Variants in PRUNE2 observed in about 807,000 individuals in gnomAD.
The protein encoded by PRUNE2 is protein prune homolog 2.
In PRUNE2, 164 loss-of-function variants were observed where a neutral mutation model predicts 252.0. The observed-to-expected ratio is 0.65, with a 90% CI of 0.57 to 0.74. PRUNE2 has a LOEUF of 0.74. Ranked by LOEUF, PRUNE2 falls within the 30% of genes least tolerant of loss-of-function variation. The probability of loss-of-function intolerance (pLI) is 0.00; values close to 1 mark genes in which losing one functional copy is unlikely to be tolerated. For missense variants in PRUNE2, 3,495 were observed against 3,711.0 expected (o/e 0.94, Z 1.51); for synonymous variants, 1,292 against 1,350.2 (o/e 0.96, Z 0.94).
At chr9:76,824,219 G>GC (rs1336585503) in intron 5 of PRUNE2, among the ~76,000 whole-genome samples, 3 of 151,978 alleles carry the variant, frequency 2.0e-5, no homozygotes, top group African/African-American at 7.3e-5. Context: ...TGTTGTGGGA[G>GC]CCCATAAGAT....
chr9:76,790,876 A>G (rs549537669), intron 6 of PRUNE2, among the ~76,000 whole-genome samples: 3 of 152,358 alleles, frequency 2.0e-5, no homozygotes, highest in South Asian at 2.1e-4. Context: ...TGGAAATCCA[A>G]TGAGGCTTCC....
rs759853827 is a variant in PRUNE2, at chr9:76,709,574, C to G, written c.2700G>C (p.Gln900His). Residue 900 changes from glutamine (Q) to histidine (H), a missense_variant, in exon 8 of 19, where the codon CAG becomes CAC. By Grantham distance (24) the Gln-to-His change is conservative. Transcript: ENST00000376718. ...WTNSKPPKED[Q>H]NGLVDPKTRG... ...TAGTTTTAGGATCCACTAAACCATT[C>G]TGATCTTCTTTTGGTGGCTTAGAAT... is the stretch of plus-strand genomic sequence containing the variant. 2 of 1,614,014 alleles carry G rather than the reference C, an allele frequency of 1.2e-6. No individual in the cohort carries two copies. The highest frequency in any genetic ancestry group is 1.7e-5 in the Admixed American group (1 of 60,024).
intron 1 of PRUNE2, among the ~76,000 whole-genome samples, chr9:76,868,268 T>C (rs945924387): frequency 5.3e-5 from 8 of 151,970 alleles, no homozygotes; most frequent in African/African-American, 1.5e-4. Flanking sequence ...AACAAAGCTA[T>C]GATACCATTC....
chr9:76,714,124 T>C (rs1050604244), intron 6 of PRUNE2, among the ~76,000 whole-genome samples: 1 of 152,214 alleles, frequency 6.6e-6, no homozygotes, highest in Non-Finnish European at 1.5e-5. Flanking sequence ...TATTTCTTCC[T>C]GTATTTTTTT....
chr9:76,893,548 G>C (rs1396355229), intron 1 of PRUNE2, among the ~76,000 whole-genome samples: 1 of 152,196 alleles, frequency 6.6e-6, no homozygotes, highest in African/African-American at 2.4e-5. Context: ...AACAAGTGTG[G>C]CTCAGTGTTT....
chr9:76,705,884 T>C lies in PRUNE2; in HGVS notation c.6390A>G (p.Glu2130=). Reference sequence around the variant, plus strand: ...GCTCAGTGAGACAAAGCTCACTGGATTCCACTTCAGGTCCCATGCAAGCAC... The same window carrying C: ...GCTCAGTGAGACAAAGCTCACTGGACTCCACTTCAGGTCCCATGCAAGCAC... ...HLSACMGPEV[E]SSELCLTEPE... Residue 2130 remains glutamate (E), a synonymous_variant, in exon 8 of 19, where the codon GAA becomes GAG. Coordinates refer to ENST00000376718, the MANE Select transcript of PRUNE2 (RefSeq NM_015225.3). 2.5e-6 allele frequency: 4 copies of C among 1,613,858 alleles called. No individual in the cohort carries two copies. Among genetic ancestry groups the C allele is most frequent in the Non-Finnish European group, 3.4e-6 (4 of 1,179,882 alleles).
At chr9:76,741,978 G>A (rs1394620858) in intron 6 of PRUNE2, among the ~76,000 whole-genome samples, 1 of 152,056 alleles carries the variant, frequency 6.6e-6, no homozygotes, top group African/African-American at 2.4e-5. Context: ...CTAATAAAAT[G>A]TTAACAACAT....
At chr9:76,735,731 C>T (rs1425844814) in intron 6 of PRUNE2, among the ~76,000 whole-genome samples, 1 of 152,126 alleles carries the variant, frequency 6.6e-6, no homozygotes, top group Non-Finnish European at 1.5e-5. Context: ...ACAATATTGG[C>T]TTTTCTACAT....
At chr9:76,875,352 C>T (rs866041503) in intron 1 of PRUNE2, among the ~76,000 whole-genome samples, 4 of 151,578 alleles carry the variant, frequency 2.6e-5, no homozygotes, top group African/African-American at 7.3e-5. Context: ...AGGGCTAGCT[C>T]TGTGTTTTTT....
Position 76,888,593 on chromosome 9 carries a change from A to ATAG in PRUNE2, c.36+17334_36+17335insCTA, listed in dbSNP as rs2062253686. On this transcript the variant is annotated intron_variant, in intron 1 of 18. Transcript: ENST00000376718. ...CTCCATCTCAATAATAATAATAATA[A>ATAG]CTATTATTATTATTATTATTTAGAT... 7.1e-5 allele frequency among the ~76,000 whole-genome samples: 9 copies of ATAG among 126,460 alleles called. 1 individual carries two copies. Among genetic ancestry groups the ATAG allele is most frequent in the Admixed American group, 6.8e-4 (8 of 11,736 alleles). 83.0% of individuals were successfully genotyped at this position (126,460 alleles called of 152,430 possible).
chr9:76,682,991 T>G (rs937510115), intron 9 of PRUNE2, among the ~76,000 whole-genome samples: 2 of 152,240 alleles, frequency 1.3e-5, no homozygotes, highest in African/African-American at 4.8e-5. Flanking sequence ...AATTTTTTAG[T>G]GTATTCAGAT....
At chr9:76,722,043 A>G (rs1252525634) in intron 6 of PRUNE2, among the ~76,000 whole-genome samples, 2 of 151,856 alleles carry the variant, frequency 1.3e-5, no homozygotes, top group Non-Finnish European at 2.9e-5. Flanking sequence ...TCCAGATGTC[A>G]TTTATTTATA....
chr9:76,775,300 TTGTC>T (rs1175687107), intron 6 of PRUNE2, among the ~76,000 whole-genome samples: 1 of 148,692 alleles, frequency 6.7e-6, no homozygotes, highest in Non-Finnish European at 1.5e-5. Flanking sequence ...ATTTTGTACT[TTGTC>T]TTTTTTTTTT....
chr9:76,628,271 A>T (rs1835820709), intron 16 of PRUNE2, among the ~76,000 whole-genome samples: 1 of 152,132 alleles, frequency 6.6e-6, no homozygotes, highest in South Asian at 2.1e-4. Context: ...GTTAAATTTT[A>T]TCCTAGTTTT....
At chr9:76,630,810 G>A (rs1266285325) in intron 15 of PRUNE2, among the ~76,000 whole-genome samples, 2 of 152,256 alleles carry the variant, frequency 1.3e-5, no homozygotes, top group African/African-American at 2.4e-5. Flanking sequence ...ACAGGCGTAA[G>A]CCTCTGCACC....
chr9:76,731,323 TA>T (rs757629066), intron 6 of PRUNE2, among the ~76,000 whole-genome samples: 961 of 74,454 alleles, frequency 0.013, 16 homozygotes, highest in African/African-American at 0.019. Context: ...TATATATATA[TA>T]TTTTTTTTTT....
At chr9:76,882,414 C>T (rs1807153988) in intron 1 of PRUNE2, among the ~76,000 whole-genome samples, 2 of 152,294 alleles carry the variant, frequency 1.3e-5, no homozygotes, top group South Asian at 4.1e-4. Flanking sequence ...CTGTATTAGG[C>T]CGTTCTTGCA....
At chr9:76,812,284 A>G (rs2057407253) in intron 6 of PRUNE2, among the ~76,000 whole-genome samples, 1 of 152,246 alleles carries the variant, frequency 6.6e-6, no homozygotes, top group South Asian at 2.1e-4. Flanking sequence ...TGTGTCCAAA[A>G]AGAAAAGAAT....
chr9:76,749,121 G>A (rs537247642), intron 6 of PRUNE2, among the ~76,000 whole-genome samples: 1 of 152,342 alleles, frequency 6.6e-6, no homozygotes, highest in African/African-American at 2.4e-5. Flanking sequence ...AGGATTACAA[G>A]ACGTCGGTTC....
Sources: gnomAD v4.1 joint callset for allele counts (sites outside exome capture counted in the v4.1 genomes callset) on GRCh38, gnomAD v4.1.1 for gene constraint, MANE v1.5 for transcripts, NCBI Gene and HGNC (gene_info 2026-07-23, HGNC 2026-07-21) for gene names.